Variants in OAS1 observed in about 807,000 individuals in gnomAD.
The protein encoded by OAS1 is 2'-5'-oligoadenylate synthase 1.
Under a neutral mutation model 38.5 loss-of-function variants are expected in OAS1, and 24 were observed. That is an observed-to-expected ratio of 0.62 (90% confidence interval 0.45 to 0.88). OAS1 has a LOEUF of 0.88. OAS1 is among the 40% of genes least tolerant of loss of function. The probability of loss-of-function intolerance (pLI) is 0.00; values close to 1 mark genes in which losing one functional copy is unlikely to be tolerated. For synonymous variants in OAS1, 169 were observed against 193.9 expected (o/e 0.87, Z 1.07); for missense variants, 482 against 493.9 (o/e 0.98, Z 0.23).
rs199514357 is a variant in OAS1 at position 112,910,368 on chromosome 12, G to GA, written c.470-676dup. On this transcript the variant is annotated intron_variant, in intron 2 of 5. Transcript: ENST00000202917. ...GGGCAACAGAGTGAGACTCCATCTC[G>GA]AAAAAAAGAAAAAAGAAAAGAATAT... Among the ~76,000 whole-genome samples, 1,444 of 150,634 alleles carry GA rather than the reference G, an allele frequency of 9.6e-3. 31 individuals carry two copies. Among genetic ancestry groups the GA allele is most frequent in the African/African-American group, 0.033 (1,365 of 41,014 alleles).
chr12:112,918,440 T>C (rs1454978786), intron 5 of OAS1: 2 of 320,878 alleles, frequency 6.2e-6, no homozygotes, highest in South Asian at 2.6e-5. Context: ...TGAATCGTAC[T>C]GCGATAAACA....
rs139804868 is a variant in OAS1, at chr12:112,908,665, A to G, written c.310A>G (p.Arg104Gly). Residue 104 changes from arginine (R) to glycine (G), a missense_variant, in exon 2 of 6, where the codon AGA becomes GGA. Coordinates refer to ENST00000202917, the MANE Select transcript of OAS1 (RefSeq NM_016816.4). ...RRGEFIQEIR[R>G]QLEACQRERA... ...GGGAGAGTTCATCCAGGAAATTAGG[A>G]GACAGCTGGAAGCCTGTCAAAGAGA... The G allele has an allele frequency of 1.0e-4, 169 of 1,614,168 alleles. 2 individuals carry two copies. In the South Asian group the frequency reaches 1.2e-3, roughly 12 times the overall value.
Position 112,916,749 on chromosome 12 carries a change from C to G in OAS1, c.884+11C>G. The G allele has an allele frequency of 1.3e-6, 2 of 1,592,266 alleles. No individual in the cohort carries two copies. The highest frequency in any genetic ancestry group is 8.6e-7 in the Non-Finnish European group (1 of 1,160,288). Reference sequence around the variant, plus strand: ...GCTCACGAAACCCAGGTATGCTATCCCCACATGGCTTAGCTCCCCTATGTA... The same window carrying G: ...GCTCACGAAACCCAGGTATGCTATCGCCACATGGCTTAGCTCCCCTATGTA... On this transcript the variant is annotated intron_variant, in intron 4 of 5. Transcript: ENST00000202917.
chr12:112,925,192 T>A (rs4766664), intron 6 of OAS1, among the ~76,000 whole-genome samples: 2 of 152,032 alleles, frequency 1.3e-5, no homozygotes, highest in African/African-American at 4.8e-5. Flanking sequence ...GGGTGAACTC[T>A]GCACGCTCAG....
At position 112,907,115 on chromosome 12, in the gene OAS1, T is replaced by C. The variant is rs377053595; in HGVS notation, c.76T>C (p.Phe26Leu). The change falls in exon 1 of 6, where the codon TTC (phenylalanine) becomes CTC (leucine). Residue 26 changes from phenylalanine to leucine, a missense_variant. Phe to Leu is a conservative substitution (Grantham distance 22, BLOSUM62 0). Transcript: ENST00000202917. Reference sequence around the variant, plus strand: ...AGACTATCTCTTGCCAGACACGTGTTTCCGCATGCAAATCAACCATGCCAT... The same window carrying C: ...AGACTATCTCTTGCCAGACACGTGTCTCCGCATGCAAATCAACCATGCCAT... ...IEDYLLPDTC[F>L]RMQINHAIDI... 4.3e-6 allele frequency: 7 copies of C among 1,614,084 alleles called. No homozygotes were observed. Among genetic ancestry groups the C allele is most frequent in the Non-Finnish European group, 5.9e-6 (7 of 1,180,040 alleles).
At chr12:112,916,008 T>C (rs1166227860) in intron 3 of OAS1, among the ~76,000 whole-genome samples, 1 of 152,264 alleles carries the variant, frequency 6.6e-6, no homozygotes, top group Non-Finnish European at 1.5e-5. Flanking sequence ...GGTTTTGGAT[T>C]ATGTATATTC....
At chr12:112,927,876 C>T (rs754390700) in intron 6 of OAS1, among the ~76,000 whole-genome samples, 17 of 152,236 alleles carry the variant, frequency 1.1e-4, no homozygotes, top group Non-Finnish European at 2.1e-4. Flanking sequence ...ATCCAGCATA[C>T]TTGTAGCTTG....
intron 6 of OAS1, among the ~76,000 whole-genome samples, chr12:112,930,483 C>T (rs765327559): frequency 5.9e-5 from 9 of 152,218 alleles, no homozygotes; most frequent in African/African-American, 9.6e-5. Flanking sequence ...CTGCCCACTG[C>T]GGAGCTGGGC....
At position 112,930,264 on chromosome 12, in the gene OAS1, C is replaced by T. The variant is rs186979711; in HGVS notation, c.1168-1614C>T. ...GTCAGTACCATGCTTCCTGTAAAGC[C>T]TGCAGAACCATGAGCCGATTAAACC... On this transcript the variant is annotated intron_variant, in intron 6 of 6. Coordinates refer to the OAS1 transcript ENST00000540589. 2.3e-3 allele frequency among the ~76,000 whole-genome samples: 356 copies of T among 152,300 alleles called. 3 individuals carry two copies. Among genetic ancestry groups the T allele is most frequent in the Non-Finnish European group, 4.1e-3 (282 of 68,036 alleles).
intron 6 of OAS1, among the ~76,000 whole-genome samples, chr12:112,929,322 A>G (rs2043582476): frequency 6.6e-6 from 1 of 152,150 alleles, no homozygotes; most frequent in Admixed American, 6.5e-5. Context: ...AAGGAATATC[A>G]CACCCCCATC....
chr12:112,929,280 A>AG (rs1041741612), intron 6 of OAS1, among the ~76,000 whole-genome samples: 1 of 152,158 alleles, frequency 6.6e-6, no homozygotes, highest in Admixed American at 6.5e-5. Context: ...AAGCTTTCCA[A>AG]GGGGTCCTTG....
intron 4 of OAS1, chr12:112,917,024 T>G: frequency 4.9e-6 from 2 of 411,192 alleles, no homozygotes; most frequent in South Asian, 6.1e-5. Context: ...AGCTGCAGTT[T>G]GAACTGAAAT....
intron 2 of OAS1, among the ~76,000 whole-genome samples, chr12:112,910,682 A>G (rs982510348): frequency 1.3e-5 from 2 of 152,218 alleles, no homozygotes; most frequent in East Asian, 1.9e-4. Context: ...GAGAGGTTCC[A>G]GAGACCAGAT....
chr12:112,925,644 G>A (rs923803318), intron 6 of OAS1, among the ~76,000 whole-genome samples: 2 of 152,110 alleles, frequency 1.3e-5, no homozygotes, highest in African/African-American at 2.4e-5. Flanking sequence ...AAATTAGCCA[G>A]GTGTGGTGGC....
In OAS1 at chr12:112,908,722, G is replaced by GCT. The variant is rs1456763049; in HGVS notation, c.369_370dup (p.Pro124LeufsTer14). On this transcript the variant is annotated frameshift_variant, in exon 2 of 6. Transcript: ENST00000202917. LOFTEE classifies it high-confidence loss of function. Reference sequence around the variant, plus strand: ...ATTTTCCGTGAAGTTTGAGGTCCAGGCTCCACGCTGGGGCAACCCCCGTGC... The same window carrying GCT: ...ATTTTCCGTGAAGTTTGAGGTCCAGGCTCTCCACGCTGGGGCAACCCCCGTGC... 1 of 1,614,186 alleles carries GCT rather than the reference G, an allele frequency of 6.2e-7. No individual in the cohort carries two copies.
downstream of OAS1, among the ~76,000 whole-genome samples, chr12:112,920,773 G>A (rs1216873845): frequency 6.6e-6 from 1 of 152,198 alleles, no homozygotes; most frequent in East Asian, 1.9e-4. Context: ...TGGCTGGTAA[G>A]CAGCCTTTGG....
At position 112,912,563 on chromosome 12, in the gene OAS1, A is replaced by C. The variant is rs1008733155; in HGVS notation, c.654+1328A>C. 3.5e-4 allele frequency among the ~76,000 whole-genome samples: 54 copies of C among 152,240 alleles called. 1 individual carries two copies. Among genetic ancestry groups the C allele is most frequent in the Admixed American group, 2.4e-3 (36 of 15,288 alleles). On this transcript the variant is annotated intron_variant, in intron 3 of 5. Transcript: ENST00000202917. ...GTTTGCTGTTCTATGAATTGTAATC[A>C]TGGAGCCTGAGCATTGTAGAATTTA... is the stretch of plus-strand genomic sequence containing the variant.
Position 112,917,579 on chromosome 12 carries a change from G to T in OAS1, c.917G>T (p.Gly306Val), listed in dbSNP as rs1293358050. ...PVILDPADPT[G>V]NLGGGDPKGW... ...ATCCTGGACCCGGCGGACCCTACAG[G>T]AAACTTGGGTGGTGGAGACCCAAAG... is the stretch of plus-strand genomic sequence containing the variant. Residue 306 changes from glycine (G) to valine (V), a missense_variant, in exon 5 of 6, where the codon GGA becomes GTA. Transcript: ENST00000202917. 1 of 1,614,092 alleles carries T rather than the reference G, an allele frequency of 6.2e-7. No individual in the cohort carries two copies. The highest frequency in any genetic ancestry group is 8.5e-7 in the Non-Finnish European group (1 of 1,180,052).
At chr12:112,916,803 C>T in intron 4 of OAS1, 65 bp downstream of exon 4, 1 of 1,248,214 alleles carries the variant, frequency 8.0e-7, no homozygotes, top group East Asian at 2.3e-5. Flanking sequence ...GGTACAGTGC[C>T]TTGGAAATGG....
Sources: gnomAD v4.1 joint callset for allele counts (sites outside exome capture counted in the v4.1 genomes callset) on GRCh38, gnomAD v4.1.1 for gene constraint, MANE v1.5 for transcripts, NCBI Gene and HGNC (gene_info 2026-07-23, HGNC 2026-07-21) for gene names.